Variants in KCTD15 observed in about 807,000 individuals in gnomAD.
The protein encoded by KCTD15 is potassium channel tetramerization domain containing 15.
KCTD15 carries 11 observed loss-of-function variants against 27.2 expected under a neutral mutation model. That is an observed-to-expected ratio of 0.41 (90% CI 0.25 to 0.67). The LOEUF is 0.67. Among genes scored for constraint, KCTD15 ranks in the 30% least tolerant of loss-of-function variants. The probability of loss-of-function intolerance (pLI) is 0.35; values close to 1 mark genes in which losing one functional copy is unlikely to be tolerated. For missense variants in KCTD15, 350 were observed against 409.3 expected (o/e 0.86, Z 1.25); for synonymous variants, 163 against 176.0 (o/e 0.93, Z 0.58).
intron 2 of KCTD15, chr19:33,799,857 C>A (rs972798622): frequency 6.5e-6 from 1 of 152,850 alleles, no homozygotes; most frequent in Admixed American, 6.5e-5. Context: ...GAAGAGGCGG[C>A]TTCCCAAGTG....
chr19:33,799,710 G>A (rs946834113), intron 2 of KCTD15: 1 of 152,570 alleles, frequency 6.6e-6, no homozygotes, highest in African/African-American at 2.4e-5. Context: ...ATCTCCTGAT[G>A]CCTCGGGGGT....
upstream of KCTD15, among the ~76,000 whole-genome samples, chr19:33,794,924 G>T (rs1340518882): frequency 6.6e-6 from 1 of 152,236 alleles, no homozygotes; most frequent in East Asian, 1.9e-4. Context: ...GCGCGCTGCT[G>T]AGCCGAAGCT....
chr19:33,804,099 AG>A (rs1361853887), intron 4 of KCTD15, among the ~76,000 whole-genome samples: 1 of 152,214 alleles, frequency 6.6e-6, no homozygotes, highest in Non-Finnish European at 1.5e-5. Context: ...TCATACCTGC[AG>A]GGCTGAGAAT....
chr19:33,811,588 C>G, intron 6 of KCTD15, 36 bp downstream of exon 6: 2 of 1,574,680 alleles, frequency 1.3e-6, no homozygotes, highest in Non-Finnish European at 1.7e-6. Context: ...CCGCCGCACC[C>G]CCGGCGTCCG....
Position 33,804,732 on chromosome 19 carries a change from G to A in KCTD15, c.243-2131G>A, listed in dbSNP as rs113929728. Among the ~76,000 whole-genome samples, 468 of 152,294 alleles carry A rather than the reference G, an allele frequency of 3.1e-3. 4 individuals are homozygous for A. The highest frequency in any genetic ancestry group is 0.01 in the African/African-American group (434 of 41,568). On this transcript the variant is annotated intron_variant, in intron 4 of 6. Coordinates refer to ENST00000683859, the MANE Select transcript of KCTD15 (RefSeq NM_001129994.2). ...AGGGCCTTTGTAACTGGAGCCAGCCGTGGAACCCACAGCCTTTCCAGCAGG... is the reference window on the plus strand; with the variant it reads ...AGGGCCTTTGTAACTGGAGCCAGCCATGGAACCCACAGCCTTTCCAGCAGG...
Position 33,812,900 on chromosome 19 carries a change from G to C in KCTD15, c.804G>C (p.Pro268=), listed in dbSNP as rs372373198. The C allele has an allele frequency of 6.5e-7, 1 of 1,549,602 alleles. No homozygotes were observed. The highest frequency in any genetic ancestry group is 1.4e-5 in the African/African-American group (1 of 73,102). ...EYVLCREERR[P]QPTPTAVRIK... Reference sequence around the variant, plus strand: ...TGCTTTGCCGGGAGGAGCGGCGGCCGCAGCCCACCCCCACTGCTGTTCGAA... The same window carrying C: ...TGCTTTGCCGGGAGGAGCGGCGGCCCCAGCCCACCCCCACTGCTGTTCGAA... Residue 268 remains proline (P), a synonymous_variant, in exon 7 of 7, where the codon CCG becomes CCC. Coordinates refer to ENST00000683859, the MANE Select transcript of KCTD15 (RefSeq NM_001129994.2).
intron 1 of KCTD15, chr19:33,797,302 G>A: frequency 2.7e-6 from 1 of 373,048 alleles, no homozygotes; most frequent in Non-Finnish European, 5.3e-6. Context: ...GCGCGCGCGC[G>A]CTTGTGGAGG....
chr19:33,807,045 G>GTGATGGCA, intron 5 of KCTD15, 38 bp downstream of exon 5: 1 of 1,605,774 alleles, frequency 6.2e-7, no homozygotes. Flanking sequence ...CACTGCCTGT[G>GTGATGGCA]TGATGGCATT....
chr19:33,813,238 C>A lies in KCTD15; in HGVS notation c.*290C>A. The A allele has an allele frequency of 3.1e-6, 2 of 635,428 alleles. No individual in the cohort carries two copies. Among genetic ancestry groups the A allele is most frequent in the East Asian group, 3.1e-5 (1 of 31,946 alleles). 39.4% of individuals were successfully genotyped at this position (635,428 alleles called of 1,614,324 possible). ...GCCTGGCGCAGCATCCTCTGAGGCCCCGGGGCCTGTTGGGGCGGGGTTGGA... is the reference window on the plus strand; with the variant it reads ...GCCTGGCGCAGCATCCTCTGAGGCCACGGGGCCTGTTGGGGCGGGGTTGGA... On this transcript the variant is annotated 3_prime_UTR_variant, in exon 7 of 7. Transcript: ENST00000683859.
intron 6 of KCTD15, chr19:33,811,894 C>A (rs1975938154): frequency 1.3e-6 from 2 of 1,586,922 alleles, no homozygotes; most frequent in African/African-American, 2.7e-5. Flanking sequence ...ACAGGCGAGG[C>A]AGGACAGAGG....
rs975148530 is a variant in KCTD15 at position 33,812,844 on chromosome 19, G to A, written c.748G>A (p.Gly250Ser). Reference protein sequence around the residue: ...GFSVAASCGGGVDSSQFSEYV... With the variant: ...GFSVAASCGGSVDSSQFSEYV... ...CAGCGTGGCTGCGTCCTGTGGGGGC[G>A]GTGTGGACTCCTCCCAGTTCAGCGA... Residue 250 changes from glycine (G) to serine (S), a missense_variant, in exon 7 of 7, where the codon GGT (glycine) becomes AGT (serine). By Grantham distance (56) the Gly-to-Ser change is moderately conservative (BLOSUM62 0). Around this residue, in one of 3 missense-constraint regions of KCTD15, gnomAD observed 219 missense variants for 234.9 expected, o/e 0.93. Coordinates refer to ENST00000683859, the MANE Select transcript of KCTD15 (RefSeq NM_001129994.2). 8 of 1,536,146 alleles carry A rather than the reference G, an allele frequency of 5.2e-6. No individual in the cohort carries two copies. Among genetic ancestry groups the A allele is most frequent in the Admixed American group, 2.0e-5 (1 of 49,238 alleles).
In KCTD15 at chr19:33,801,188, C is replaced by A; in HGVS notation, c.88C>A (p.Leu30Met). 1 of 1,607,974 alleles carries A rather than the reference C, an allele frequency of 6.2e-7. No individual in the cohort carries two copies. Among genetic ancestry groups the A allele is most frequent in the Non-Finnish European group, 8.5e-7 (1 of 1,176,988 alleles). Residue 30 changes from leucine (L) to methionine (M), a missense_variant, in exon 4 of 7, where the codon CTG becomes ATG. Physicochemically the swap from Leu to Met is conservative, Grantham distance 15. This residue lies in a region of KCTD15 where 77 missense variants were observed against 72.7 expected (regional missense o/e 1.06). Coordinates refer to ENST00000683859, the MANE Select transcript of KCTD15 (RefSeq NM_001129994.2). ...CTAGGAGGGAGGAAACATGTCCCGGCTGTCTCTCACCCGGTCGCCTGTGTC... is the reference window on the plus strand; with the variant it reads ...CTAGGAGGGAGGAAACATGTCCCGGATGTCTCTCACCCGGTCGCCTGTGTC... Reference protein sequence around the residue: ...GTAEGGNMSRLSLTRSPVSPL... With the variant: ...GTAEGGNMSRMSLTRSPVSPL...
At chr19:33,808,034 A>G (rs1205888838) in intron 5 of KCTD15, among the ~76,000 whole-genome samples, 2 of 152,206 alleles carry the variant, frequency 1.3e-5, no homozygotes, top group Non-Finnish European at 2.9e-5. Context: ...ACAAAAGGTT[A>G]ACCCCCAGGT....
At chr19:33,798,002 G>C (rs1975401437) in intron 1 of KCTD15, among the ~76,000 whole-genome samples, 1 of 151,982 alleles carries the variant, frequency 6.6e-6, no homozygotes. Context: ...CGGCCACCCC[G>C]CCCCGCGGCG....
intron 3 of KCTD15, 79 bp from the exon 4 acceptor site, chr19:33,801,088 G>A (rs1250808063): frequency 3.1e-6 from 4 of 1,299,634 alleles, no homozygotes; most frequent in Non-Finnish European, 4.3e-6. Flanking sequence ...CTCAATAAAG[G>A]GAGTGCATGG....
chr19:33,806,836 A>G (rs752725732), intron 4 of KCTD15, 27 bp from the exon 5 acceptor site: 1 of 1,609,512 alleles, frequency 6.2e-7, no homozygotes, highest in African/African-American at 1.3e-5. Flanking sequence ...ATCCCTTCAG[A>G]CATCCCACCT....
upstream of KCTD15, chr19:33,796,168 G>A (rs550563520): frequency 2.0e-5 from 3 of 152,090 alleles, no homozygotes; most frequent in African/African-American, 7.2e-5. Flanking sequence ...GAAAGCGCCC[G>A]GGGAAATATT....
At chr19:33,811,853 T>A in intron 6 of KCTD15, 1 of 1,604,330 alleles carries the variant, frequency 6.2e-7, no homozygotes, top group Non-Finnish European at 8.5e-7. Flanking sequence ...ACACCCAGAG[T>A]CTGACTTTGG....
intron 6 of KCTD15, 160 bp downstream of exon 6, chr19:33,811,712 CCT>C (rs1555731102): frequency 6.5e-7 from 1 of 1,527,114 alleles, no homozygotes; most frequent in South Asian, 1.2e-5. Flanking sequence ...AATTTATGTC[CCT>C]CTCATAATTA....
Sources: allele counts gnomAD v4.1 joint callset (sites outside exome capture counted in the v4.1 genomes callset), GRCh38; gene constraint gnomAD v4.1.1; regional missense constraint gnomAD v4.1.1; transcripts MANE v1.5; gene names NCBI Gene and HGNC (gene_info 2026-07-23, HGNC 2026-07-21).